NRG1: variants seen among roughly 807,000 people sequenced by gnomAD.
NRG1 encodes neuregulin 1.
Under a neutral mutation model 63.8 loss-of-function variants are expected in NRG1, and 18 were observed. That is an observed-to-expected ratio of 0.28 (90% confidence interval 0.19 to 0.42). The LOEUF is 0.42. Ranked by LOEUF, NRG1 falls within the 10% of genes least tolerant of loss-of-function variation. NRG1 has a pLI of 1.00. For synonymous variants in NRG1, 302 were observed against 301.3 expected, an observed-to-expected ratio of 1.00 and a Z score of -0.02; for missense variants, 762 against 814.7, an observed-to-expected ratio of 0.94 and a Z score of 0.79.
chr8:32,219,845 T>C (rs1233654699), intron 1 of NRG1, among the ~76,000 whole-genome samples: 2 of 152,344 alleles, frequency 1.3e-5, no homozygotes, highest in Non-Finnish European at 1.5e-5. Context: ...TTTAGTAATG[T>C]CAACATTCCT....
chr8:32,012,368 A>G (rs954950755), intron 1 of NRG1, among the ~76,000 whole-genome samples: 2 of 152,106 alleles, frequency 1.3e-5, no homozygotes, highest in African/African-American at 4.8e-5. Flanking sequence ...AGGGTTGCAG[A>G]TGATATTTAG....
chr8:32,081,499 C>T (rs1215560916), intron 1 of NRG1, among the ~76,000 whole-genome samples: 1 of 152,078 alleles, frequency 6.6e-6, no homozygotes, highest in Non-Finnish European at 1.5e-5. Flanking sequence ...CTTGAGTCCA[C>T]GTAGCCCCAG....
At chr8:31,826,611 A>G (rs750940010) in intron 1 of NRG1, among the ~76,000 whole-genome samples, 4 of 151,600 alleles carry the variant, frequency 2.6e-5, no homozygotes, top group Admixed American at 2.0e-4. Context: ...AATACACTTT[A>G]CTACCTATCC....
intron 1 of NRG1, among the ~76,000 whole-genome samples, chr8:32,038,826 C>T (rs1819486010): frequency 1.3e-5 from 2 of 151,994 alleles, no homozygotes; most frequent in African/African-American, 2.4e-5. Flanking sequence ...GAAGCTAGCC[C>T]CACCTGTTGT....
chr8:32,707,558 A>G (rs1434184596), intron 5 of NRG1, among the ~76,000 whole-genome samples: 1 of 152,102 alleles, frequency 6.6e-6, no homozygotes, highest in Non-Finnish European at 1.5e-5. Flanking sequence ...GGTGTTTACA[A>G]TCATATGAGT....
At chr8:32,075,563 A>G (rs1826369595) in intron 1 of NRG1, among the ~76,000 whole-genome samples, 1 of 152,186 alleles carries the variant, frequency 6.6e-6, no homozygotes. Flanking sequence ...TAAGCAGATT[A>G]CTTATAATAC....
In NRG1 at chr8:32,722,362, A is replaced by G. The variant is rs553274530; in HGVS notation, c.503-5587A>G. Among the ~76,000 whole-genome samples, 14 of 152,318 alleles carry G rather than the reference A, an allele frequency of 9.2e-5. No homozygotes were observed. In the East Asian group the frequency reaches 2.5e-3, roughly 27 times the overall value. On this transcript the variant is annotated intron_variant, in intron 5 of 11. Transcript: ENST00000356819. ...CTGGTCTACTGGTTTTGTCTACTTC[A>G]CTGATAAGGAAAACACCACTTAAAA... is the stretch of plus-strand genomic sequence containing the variant.
At chr8:31,959,262 A>G (rs1329853199) in intron 1 of NRG1, among the ~76,000 whole-genome samples, 1 of 152,228 alleles carries the variant, frequency 6.6e-6, no homozygotes, top group Non-Finnish European at 1.5e-5. Flanking sequence ...AAAATTATCT[A>G]TTCTTGTCTC....
At chr8:32,358,674 G>T (rs1288850775) in intron 1 of NRG1, among the ~76,000 whole-genome samples, 2 of 152,132 alleles carry the variant, frequency 1.3e-5, no homozygotes, top group African/African-American at 4.8e-5. Flanking sequence ...TCATCTTCAA[G>T]ATAGTAATAG....
At chr8:32,300,004 G>A (rs1272714951) in intron 1 of NRG1, among the ~76,000 whole-genome samples, 1 of 152,094 alleles carries the variant, frequency 6.6e-6, no homozygotes, top group Non-Finnish European at 1.5e-5. Context: ...TTTGGATGGA[G>A]GAGAACATAT....
In NRG1 at chr8:31,771,896, A is replaced by G. The variant is rs568126439; in HGVS notation, c.37+132465A>G. ...AAAAATACAAGCACAGTGCAAAAAT[A>G]GGTGTGAATGTTGTACTGATTCAGG... On this transcript the variant is annotated intron_variant, in intron 1 of 10. Coordinates refer to the NRG1 transcript ENST00000519301. Among the ~76,000 whole-genome samples the G allele has an allele frequency of 2.8e-4, 43 of 152,324 alleles. No homozygotes were observed. In the South Asian group the frequency reaches 8.5e-3, roughly 30 times the overall value.
intron 1 of NRG1, among the ~76,000 whole-genome samples, chr8:31,680,188 T>C (rs901425375): frequency 1.3e-5 from 2 of 151,976 alleles, no homozygotes; most frequent in Admixed American, 6.6e-5. Flanking sequence ...ATGTGCACAA[T>C]GTGCAGGTTA....
intron 1 of NRG1, among the ~76,000 whole-genome samples, chr8:31,917,387 G>A (rs975972122): frequency 3.9e-4 from 58 of 150,628 alleles, no homozygotes; most frequent in Admixed American, 1.3e-3. Flanking sequence ...TTTGTATAAG[G>A]TGTAAGGAAG....
At chr8:32,029,311 T>C (rs1283736308) in intron 1 of NRG1, 2 of 152,178 alleles carry the variant, frequency 1.3e-5, no homozygotes, top group Non-Finnish European at 2.9e-5. Flanking sequence ...TATATTCTTA[T>C]TATAAAAAGA....
At chr8:32,739,087 A>G (rs1825767977) in intron 6 of NRG1, among the ~76,000 whole-genome samples, 1 of 152,154 alleles carries the variant, frequency 6.6e-6, no homozygotes, top group African/African-American at 2.4e-5. Context: ...TAATCACTTA[A>G]TTACATTCCT....
intron 1 of NRG1, among the ~76,000 whole-genome samples, chr8:32,564,973 G>A: frequency 6.6e-6 from 1 of 152,154 alleles, no homozygotes; most frequent in Non-Finnish European, 1.5e-5. Context: ...GGGAGGCTGA[G>A]GTGGGAGGAT....
At chr8:31,715,523 G>T (rs540466747) in intron 1 of NRG1, among the ~76,000 whole-genome samples, 17 of 152,222 alleles carry the variant, frequency 1.1e-4, no homozygotes, top group African/African-American at 4.1e-4. Context: ...TTGAATCAAA[G>T]AAATAATTAA....
chr8:32,663,646 A>G (rs1020767155), intron 5 of NRG1, among the ~76,000 whole-genome samples: 2 of 152,142 alleles, frequency 1.3e-5, no homozygotes, highest in East Asian at 1.9e-4. Context: ...TCTCTACTTC[A>G]CTTTCTGGAA....
chr8:32,463,599 T>G (rs111802542), intron 1 of NRG1, among the ~76,000 whole-genome samples: 1 of 152,048 alleles, frequency 6.6e-6, no homozygotes, highest in Non-Finnish European at 1.5e-5. Flanking sequence ...CCATAGCACT[T>G]TGGGAGGCTG....
Sources: allele counts gnomAD v4.1 joint callset (sites outside exome capture counted in the v4.1 genomes callset), GRCh38; gene constraint gnomAD v4.1.1; transcripts MANE v1.5; gene names NCBI Gene and HGNC (gene_info 2026-07-23, HGNC 2026-07-21).